The following HTT variants were observed in gnomAD, a reference collection of about 807,000 sequenced individuals.
The protein encoded by HTT is huntingtin, also known as huntington disease protein.
In HTT, 104 loss-of-function variants were observed where a neutral mutation model predicts 362.3. The ratio of observed to expected loss-of-function variants is 0.29; its 90% CI spans 0.24 to 0.34. The LOEUF (loss-of-function observed/expected upper bound fraction) is 0.34, where lower values mean the gene tolerates loss of function less well. HTT is among the 10% of genes least tolerant of loss of function. The pLI is 1.00. For missense variants in HTT, 3,301 were observed against 3,928.6 expected (o/e 0.84, Z 4.27); for synonymous variants, 1,577 against 1,548.7 (o/e 1.02, Z -0.43).
At chr4:3,134,260 G>A in intron 18 of HTT, 141 bp from the exon 19 acceptor site, 2 of 626,796 alleles carry the variant, frequency 3.2e-6, no homozygotes, top group African/African-American at 1.8e-5. Context: ...GTTCTTGAGA[G>A]GTGTGGGAAA....
chr4:3,113,132 C>A, intron 6 of HTT: 1 of 525,860 alleles, frequency 1.9e-6, no homozygotes, highest in Non-Finnish European at 2.4e-6. Context: ...ACAGTTGTAG[C>A]GTGGCCTTGG....
At chr4:3,205,419 TTTA>T (rs1254806079) in intron 42 of HTT, among the ~76,000 whole-genome samples, 13 of 152,248 alleles carry the variant, frequency 8.5e-5, no homozygotes, top group African/African-American at 3.1e-4. Flanking sequence ...GTGATGACAA[TTTA>T]TTAATAGTCA....
At chr4:3,091,932 G>A (rs1713530333) in intron 2 of HTT, among the ~76,000 whole-genome samples, 1 of 152,178 alleles carries the variant, frequency 6.6e-6, no homozygotes, top group African/African-American at 2.4e-5. Context: ...AGTGTGTAAT[G>A]ATATTGGTGC....
At chr4:3,120,230 G>C (rs1304727324) in intron 8 of HTT, among the ~76,000 whole-genome samples, 1 of 152,136 alleles carries the variant, frequency 6.6e-6, no homozygotes, top group Non-Finnish European at 1.5e-5. Context: ...AGTGAAATTT[G>C]AACTTCAGAT....
chr4:3,232,770 C>T (rs148816211), intron 60 of HTT, among the ~76,000 whole-genome samples: 47 of 152,348 alleles, frequency 3.1e-4, no homozygotes, highest in Middle Eastern at 3.4e-3. Context: ...CACAGTGAGC[C>T]GTGACAGCGC....
Position 3,130,087 on chromosome 4 carries a change from A to T in HTT, c.1867+40A>T, listed in dbSNP as rs1232022811. On this transcript the variant is annotated intron_variant, in intron 13 of 66. Coordinates refer to ENST00000355072, the MANE Select transcript of HTT (RefSeq NM_001388492.1). ...GGTGATGCGCTACAAAGTGGTTTGT[A>T]TTCAGACCTGGACATCTTAATTATA... is the stretch of plus-strand genomic sequence containing the variant. The T allele has an allele frequency of 1.9e-6, 3 of 1,543,412 alleles. No homozygotes were observed. In the African/African-American group the frequency reaches 4.2e-5, roughly 21 times the overall value.
intron 66 of HTT, among the ~76,000 whole-genome samples, chr4:3,239,378 A>G (rs1049579505): frequency 1.3e-5 from 2 of 152,054 alleles, no homozygotes; most frequent in Admixed American, 1.3e-4. Context: ...GAAAGGCTTA[A>G]GTAAAGATCC....
At chr4:3,126,120 T>C (rs1327632317) in intron 11 of HTT, among the ~76,000 whole-genome samples, 1 of 152,228 alleles carries the variant, frequency 6.6e-6, no homozygotes, top group Non-Finnish European at 1.5e-5. Flanking sequence ...TGGTGTGCTC[T>C]TGGTGCACTG....
chr4:3,207,526 C>G (rs1719926206), intron 45 of HTT, among the ~76,000 whole-genome samples, 169 bp downstream of exon 45: 1 of 152,220 alleles, frequency 6.6e-6, no homozygotes, highest in Admixed American at 6.5e-5. Flanking sequence ...AACCAGATCT[C>G]ACTTTCTAAA....
At chr4:3,130,834 T>C (rs945182495) in intron 14 of HTT, among the ~76,000 whole-genome samples, 1 of 152,188 alleles carries the variant, frequency 6.6e-6, no homozygotes, top group Non-Finnish European at 1.5e-5. Flanking sequence ...AGGAATAGCG[T>C]TTCACAGTTC....
rs533736597 is a variant in HTT, at chr4:3,151,351, G to GGA, written c.3499-2927_3499-2926dup. ...CATGGCCCACAGGAAAAAGAGAGAA[G>GGA]GAGAGAGAGAGAGAGACAGAGAGAG... On this transcript the variant is annotated intron_variant, in intron 26 of 66. Coordinates refer to ENST00000355072, the MANE Select transcript of HTT (RefSeq NM_001388492.1). 6.1e-3 allele frequency among the ~76,000 whole-genome samples: 920 copies of GGA among 151,086 alleles called. 11 individuals carry two copies. The highest frequency in any genetic ancestry group is 0.021 in the African/African-American group (859 of 41,174).
Position 3,145,202 on chromosome 4 carries a change from C to T in HTT, c.3117C>T (p.Cys1039=), listed in dbSNP as rs1158548231. The T allele has an allele frequency of 6.2e-7, 1 of 1,613,508 alleles. No homozygotes were observed. The highest frequency in any genetic ancestry group is 2.2e-5 in the East Asian group (1 of 44,876). The change falls in exon 24 of 67, where the codon TGC becomes TGT. Residue 1039 remains cysteine (C), a synonymous_variant. Coordinates refer to ENST00000355072, the MANE Select transcript of HTT (RefSeq NM_001388492.1). ...LCLLSTAFPV[C]IWSLGWHCGV... is the part of the protein sequence containing the mutation. ...TTCTTTCCACTGCCTTCCCAGTTTG[C>T]ATTTGGAGTTTAGGTTGGCACTGTG...
chr4:3,233,798 C>T (rs559817231), intron 61 of HTT, among the ~76,000 whole-genome samples: 9 of 152,206 alleles, frequency 5.9e-5, no homozygotes, highest in African/African-American at 1.4e-4. Context: ...TCTGTACACA[C>T]GTGTCCTTGA....
Position 3,107,379 on chromosome 4 carries a change from A to G in HTT, c.703A>G (p.Ile235Val), listed in dbSNP as rs1194682775. Residue 235 changes from isoleucine (I) to valine (V), a missense_variant, in exon 6 of 67, where the codon ATT (isoleucine) becomes GTT (valine). Transcript: ENST00000355072. ...QETLAAAVPK[I>V]MASFGNFAND... ...GACCTTGGCTGCAGCTGTTCCCAAA[A>G]TTATGGCTTCTTTTGGCAATTTTGC... 10 of 1,614,088 alleles carry G rather than the reference A, an allele frequency of 6.2e-6. No individual in the cohort carries two copies. Among genetic ancestry groups the G allele is most frequent in the Admixed American group, 1.7e-5 (1 of 60,000 alleles).
intron 46 of HTT, 106 bp downstream of exon 46, chr4:3,209,017 C>T (rs1720007604): frequency 3.2e-6 from 4 of 1,256,814 alleles, no homozygotes; most frequent in Non-Finnish European, 4.3e-6. Context: ...CCAAGGAGTT[C>T]TGGCGCTCGG....
chr4:3,234,189 G>A (rs985869311), intron 61 of HTT, among the ~76,000 whole-genome samples: 1 of 152,280 alleles, frequency 6.6e-6, no homozygotes, highest in African/African-American at 2.4e-5. Context: ...AGTTCAGACA[G>A]GAGGGAGGTG....
intron 29 of HTT, among the ~76,000 whole-genome samples, chr4:3,169,297 C>T (rs199923201): frequency 5.3e-5 from 8 of 152,128 alleles, no homozygotes; most frequent in Admixed American, 2.0e-4. Flanking sequence ...GGATTACAGG[C>T]GTGAGCCACT....
chr4:3,234,354 G>T (rs770235491), intron 61 of HTT, among the ~76,000 whole-genome samples: 3 of 152,268 alleles, frequency 2.0e-5, no homozygotes, highest in Admixed American at 6.5e-5. Flanking sequence ...TGGGCAGTGG[G>T]TGCTGTGCTA....
intron 45 of HTT, among the ~76,000 whole-genome samples, chr4:3,207,713 A>G (rs1719934600): frequency 6.6e-6 from 1 of 152,236 alleles, no homozygotes; most frequent in Non-Finnish European, 1.5e-5. Flanking sequence ...TAATTGCTAA[A>G]CAAGAGTTGG....
Sources: allele counts gnomAD v4.1 joint callset (sites outside exome capture counted in the v4.1 genomes callset), GRCh38; gene constraint gnomAD v4.1.1; transcripts MANE v1.5; gene names NCBI Gene and HGNC (gene_info 2026-07-23, HGNC 2026-07-21).